Variants in TRMT1 observed in about 807,000 individuals in gnomAD.
The protein encoded by TRMT1 is tRNA methyltransferase 1.
TRMT1 carries 63 observed loss-of-function variants against 75.4 expected under a neutral mutation model. The ratio of observed to expected loss-of-function variants is 0.84; its 90% CI spans 0.68 to 1.03. TRMT1 has a LOEUF of 1.03. TRMT1 is among the 50% of genes least tolerant of loss of function. The pLI, the probability that TRMT1 is intolerant of heterozygous loss-of-function variation, is 0.00. For synonymous variants in TRMT1, 382 were observed against 358.1 expected (o/e 1.07, Z -0.75); for missense variants, 870 against 905.3 (o/e 0.96, Z 0.50).
intron 14 of TRMT1, among the ~76,000 whole-genome samples, chr19:13,106,855 C>G (rs2018895530): frequency 6.6e-6 from 1 of 150,866 alleles, no homozygotes; most frequent in Admixed American, 6.6e-5. Flanking sequence ...CGGAGTCTTA[C>G]TCTGTCACCC....
In TRMT1 at chr19:13,107,891, C is replaced by A. The variant is rs773904341; in HGVS notation, c.1398-32G>T. 19 of 1,543,156 alleles carry A rather than the reference C, an allele frequency of 1.2e-5. 2 individuals are homozygous for A. The South Asian group carries it at 2.3e-4, about 18-fold the overall frequency. ...AACAGCAGGGATTATGAGGGAGATG[C>A]CGGACTCCTTGACCCCAAAGCCCAA... is the stretch of plus-strand genomic sequence containing the variant. On this transcript the variant is annotated intron_variant, in intron 12 of 16. Transcript: ENST00000357720.
In TRMT1 at chr19:13,116,281, C is replaced by T. The variant is rs1185181908; in HGVS notation, c.119G>A (p.Gly40Asp). The change falls in exon 2 of 17, where the codon GGC (glycine) becomes GAC (aspartate). Residue 40 changes from glycine (G) to aspartate (D), a missense_variant. Coordinates refer to ENST00000357720, the MANE Select transcript of TRMT1 (RefSeq NM_001136035.4). ...GLPNTAAMEN[G>D]TGPYGEERPR... ...ACGTTCTTCTCCGTAGGGCCCGGTG[C>T]CGTTCTCCATCGCTGCTGTATTCGG... The T allele has an allele frequency of 6.8e-6, 11 of 1,614,036 alleles. No homozygotes were observed. Among genetic ancestry groups the T allele is most frequent in the African/African-American group, 1.3e-5 (1 of 74,932 alleles).
chr19:13,105,402 C>A lies in TRMT1; in HGVS notation c.1704-6G>T, dbSNP rs371288519. 1 of 1,613,526 alleles carries A rather than the reference C, an allele frequency of 6.2e-7. No homozygotes were observed. Among genetic ancestry groups the A allele is most frequent in the Non-Finnish European group, 8.5e-7 (1 of 1,179,964 alleles). ...CTTCGTCGGCCGCCTTGCCCCTGTGCGAGGGGAGGAGTAGGTGGGACCCCA... is the reference window on the plus strand; with the variant it reads ...CTTCGTCGGCCGCCTTGCCCCTGTGAGAGGGGAGGAGTAGGTGGGACCCCA... On this transcript the variant is annotated splice_region_variant and splice_polypyrimidine_tract_variant and intron_variant, in intron 15 of 16. Coordinates refer to ENST00000357720, the MANE Select transcript of TRMT1 (RefSeq NM_001136035.4).
At chr19:13,108,598 CT>C (rs1374625399) in intron 12 of TRMT1, among the ~76,000 whole-genome samples, 1 of 142,560 alleles carries the variant, frequency 7.0e-6, no homozygotes, top group Non-Finnish European at 1.5e-5. Context: ...TGGCCTTTTT[CT>C]TTTTCTAATT....
chr19:13,106,885 C>T (rs762344812), intron 14 of TRMT1, among the ~76,000 whole-genome samples: 19 of 150,272 alleles, frequency 1.3e-4, no homozygotes, highest in Non-Finnish European at 2.4e-4. Context: ...TGCAGTGGCG[C>T]TATCTCGGCT....
chr19:13,106,311 G>A (rs554445890), intron 14 of TRMT1, among the ~76,000 whole-genome samples: 2 of 152,024 alleles, frequency 1.3e-5, no homozygotes, highest in South Asian at 2.1e-4. Context: ...GGGCTCAAGC[G>A]ATCTTCCCGC....
intron 7 of TRMT1, among the ~76,000 whole-genome samples, chr19:13,110,794 C>CA (rs1214167241): frequency 6.6e-6 from 1 of 151,968 alleles, no homozygotes; most frequent in Non-Finnish European, 1.5e-5. Flanking sequence ...ACTAAAAATA[C>CA]AAAAAATTAG....
rs28495772 is a variant in TRMT1, at chr19:13,110,314, T to A, written c.871-8A>T. On this transcript the variant is annotated splice_polypyrimidine_tract_variant and splice_region_variant and intron_variant, in intron 7 of 16. Coordinates refer to ENST00000357720, the MANE Select transcript of TRMT1 (RefSeq NM_001136035.4). ...CAGGACGATTCTCAGGGCCTGGGGG[T>A]GGGGGGTGGGTGTCAGCCTCCCCTC... 1.7e-6 allele frequency: 1 copy of A among 604,322 alleles called. No individual in the cohort carries two copies. Among genetic ancestry groups the A allele is most frequent in the East Asian group, 4.5e-5 (1 of 22,336 alleles). The allele number at this position is 604,322 out of a possible 1,614,324, so 37.4% of individuals were successfully genotyped here.
intron 12 of TRMT1, 126 bp from the exon 13 acceptor site, chr19:13,107,985 C>CT (rs71168652): frequency 0.054 from 17,457 of 326,128 alleles, 187 homozygotes; most frequent in African/African-American, 0.071. Context: ...CTTTTCTTTT[C>CT]TTTTTTTTTT....
Position 13,116,666 on chromosome 19 carries a change from C to A in TRMT1, c.-46G>T. On this transcript the variant is annotated 5_prime_UTR_variant, in exon 1 of 17. Transcript: ENST00000357720. Reference sequence around the variant, plus strand: ...GCCCGTCCTCACCTGCTCTCGTAGCCACAGAAAACCGAATTAGTCAAGGTG... The same window carrying A: ...GCCCGTCCTCACCTGCTCTCGTAGCAACAGAAAACCGAATTAGTCAAGGTG... The A allele has an allele frequency of 2.0e-6, 1 of 499,742 alleles. No homozygotes were observed. The highest frequency in any genetic ancestry group is 3.5e-6 in the Non-Finnish European group (1 of 281,978). The allele number at this position is 499,742 out of a possible 1,614,324, so 31.0% of individuals were successfully genotyped here.
At chr19:13,114,218 G>A (rs1050403282) in intron 5 of TRMT1, among the ~76,000 whole-genome samples, 4 of 152,140 alleles carry the variant, frequency 2.6e-5, no homozygotes, top group Non-Finnish European at 5.9e-5. Flanking sequence ...CTTGGGTTGT[G>A]GGCCATTGAT....
rs202003542 is a variant in TRMT1 at position 13,116,226 on chromosome 19, G to A, written c.174C>T (p.Thr58=). ...GAAAGGCGATTTTGGCAGCCCCCTC[G>A]GTGACTGTCGTCTCCTGGACTTCAC... ...RPREVQETTV[T]EGAAKIAFPS... The change falls in exon 2 of 17, where the codon ACC becomes ACT. Residue 58 remains threonine (T), a synonymous_variant. Transcript: ENST00000357720. 8 of 1,614,074 alleles carry A rather than the reference G, an allele frequency of 5.0e-6. No homozygotes were observed. In the South Asian group the frequency reaches 5.5e-5, roughly 11 times the overall value.
intron 5 of TRMT1, among the ~76,000 whole-genome samples, chr19:13,113,495 C>T (rs1264773920): frequency 6.6e-6 from 1 of 152,010 alleles, no homozygotes; most frequent in Non-Finnish European, 1.5e-5. Flanking sequence ...AATTTTCCTA[C>T]TTAGGAAAAG....
At position 13,107,636 on chromosome 19, in the gene TRMT1, C is replaced by T. The variant is rs75789758; in HGVS notation, c.1521G>A (p.Pro507=). 688 of 1,607,446 alleles carry T rather than the reference C, an allele frequency of 4.3e-4. 6 individuals carry two copies. In the East Asian group the frequency reaches 0.012, roughly 28 times the overall value. ...DIMRCWEKEC[P]VKRERLSETS... ...TCTCTGATAGTCGCTCCCGTTTCAC[C>T]GGACATTCCTTCTCCTGGGGGCAGA... Residue 507 remains proline, a synonymous_variant, in exon 14 of 17, where the codon CCG becomes CCA. Coordinates refer to ENST00000357720, the MANE Select transcript of TRMT1 (RefSeq NM_001136035.4).
intron 12 of TRMT1, 119 bp downstream of exon 12, chr19:13,109,262 G>A: frequency 8.5e-7 from 1 of 1,178,336 alleles, no homozygotes; most frequent in South Asian, 1.4e-5. Context: ...TTACAGGAAT[G>A]AGACAGTGCA....
chr19:13,110,049 C>T (rs369410634), intron 8 of TRMT1, 48 bp from the exon 9 acceptor site: 7 of 1,612,222 alleles, frequency 4.3e-6, no homozygotes, highest in Middle Eastern at 1.7e-4. Flanking sequence ...ACCACGACAC[C>T]CCAACTCCTC....
intron 14 of TRMT1, among the ~76,000 whole-genome samples, chr19:13,106,817 A>T (rs1599925977): frequency 1.4e-5 from 1 of 73,658 alleles, no homozygotes; most frequent in South Asian, 7.0e-4. Flanking sequence ...TTTTATTTTT[A>T]TTTATTTATT....
At chr19:13,105,904 A>C (rs2018846610) in intron 14 of TRMT1, among the ~76,000 whole-genome samples, 1 of 152,198 alleles carries the variant, frequency 6.6e-6, no homozygotes, top group South Asian at 2.1e-4. Context: ...TCCACTAAAA[A>C]TACAAAAATT....
intron 4 of TRMT1, 67 bp downstream of exon 4, chr19:13,115,559 C>T (rs2019309562): frequency 1.2e-6 from 2 of 1,607,328 alleles, no homozygotes; most frequent in Admixed American, 1.7e-5. Context: ...CTATAGCTCT[C>T]CCCCTCCAGG....
Sources: gnomAD v4.1 joint callset for allele counts (sites outside exome capture counted in the v4.1 genomes callset) on GRCh38, gnomAD v4.1.1 for gene constraint, MANE v1.5 for transcripts, NCBI Gene and HGNC (gene_info 2026-07-23, HGNC 2026-07-21) for gene names.